Variants in FGF14 observed in about 807,000 individuals in gnomAD.
FGF14 encodes the protein fibroblast growth factor homologous factor 4.
FGF14 carries 5 observed loss-of-function variants against 25.5 expected under a neutral mutation model. That is an observed-to-expected ratio of 0.20 (90% confidence interval 0.10 to 0.41). The LOEUF (loss-of-function observed/expected upper bound fraction) is 0.41. Among genes scored for constraint, FGF14 ranks in the 10% least tolerant of loss-of-function variants. The pLI, the probability that FGF14 is intolerant of heterozygous loss-of-function variation, is 1.00. For missense variants in FGF14, 222 were observed against 320.1 expected (o/e 0.69, Z 2.34); for synonymous variants, 138 against 118.3 (o/e 1.17, Z -1.08).
At chr13:101,899,097 A>T (rs993756565) in intron 1 of FGF14, among the ~76,000 whole-genome samples, 2 of 152,170 alleles carry the variant, frequency 1.3e-5, no homozygotes, top group Non-Finnish European at 2.9e-5. Context: ...GTTAGCCAAA[A>T]ATCAAACTAG....
chr13:101,837,440 T>C (rs2042979941), intron 3 of FGF14, among the ~76,000 whole-genome samples: 1 of 152,094 alleles, frequency 6.6e-6, no homozygotes, highest in African/African-American at 2.4e-5. Context: ...GAGAATAAAA[T>C]GAGAGAATGT....
intron 3 of FGF14, among the ~76,000 whole-genome samples, chr13:101,785,018 A>C (rs1186220433): frequency 6.6e-6 from 1 of 152,176 alleles, no homozygotes; most frequent in Non-Finnish European, 1.5e-5. Flanking sequence ...TGAAGAGGAA[A>C]CAACCAACCC....
At chr13:101,723,629 A>G (rs1398406052) in intron 4 of FGF14, among the ~76,000 whole-genome samples, 1 of 152,108 alleles carries the variant, frequency 6.6e-6, no homozygotes, top group Non-Finnish European at 1.5e-5. Context: ...CTGCTATGTT[A>G]TTAAAAATCT....
chr13:101,772,545 G>A (rs537135093), intron 3 of FGF14, among the ~76,000 whole-genome samples: 1 of 152,042 alleles, frequency 6.6e-6, no homozygotes, highest in African/African-American at 2.4e-5. Flanking sequence ...TTTATCTCTA[G>A]TTAAATGTGG....
intron 3 of FGF14, among the ~76,000 whole-genome samples, chr13:101,769,158 T>G (rs1467876668): frequency 6.6e-6 from 1 of 152,064 alleles, no homozygotes; most frequent in South Asian, 2.1e-4. Flanking sequence ...CCTTAACAGA[T>G]AAGTTGCCAA....
chr13:101,944,132 C>T (rs896245703), intron 1 of FGF14, among the ~76,000 whole-genome samples: 6 of 151,964 alleles, frequency 3.9e-5, no homozygotes, highest in African/African-American at 9.7e-5. Context: ...CAGTGCCATA[C>T]TGCAGAAAGA....
At chr13:102,370,437 TTTTG>T (rs544402485) in intron 1 of FGF14, among the ~76,000 whole-genome samples, 19 of 152,128 alleles carry the variant, frequency 1.2e-4, no homozygotes, top group African/African-American at 4.1e-4. Context: ...ATACAAATAT[TTTTG>T]TTTGTTTGTT....
chr13:102,366,998 C>G (rs1359150049), intron 1 of FGF14, among the ~76,000 whole-genome samples: 1 of 152,114 alleles, frequency 6.6e-6, no homozygotes, highest in East Asian at 1.9e-4. Flanking sequence ...GGAATTGTCC[C>G]AGAGTTGAGG....
chr13:102,366,298 A>G lies in FGF14; in HGVS notation c.208+35173T>C, dbSNP rs1187291238. 4 of 152,310 alleles carry G rather than the reference A, an allele frequency of 2.6e-5. No individual in the cohort carries two copies. The East Asian group carries it at 7.7e-4, about 29-fold the overall frequency. The allele number at this position is 152,310 out of a possible 1,614,324, so 9.4% of individuals were successfully genotyped here. On this transcript the variant is annotated intron_variant, in intron 1 of 4. Transcript: ENST00000376131. Reference sequence around the variant, plus strand: ...ATTGTACAACATTAAAGAGTAAATCATGAGTGACTGAAATACTTAAAAGCA... The same window carrying G: ...ATTGTACAACATTAAAGAGTAAATCGTGAGTGACTGAAATACTTAAAAGCA...
intron 1 of FGF14, among the ~76,000 whole-genome samples, chr13:101,984,627 G>GT (rs1290102043): frequency 6.6e-6 from 1 of 152,004 alleles, no homozygotes; most frequent in Non-Finnish European, 1.5e-5. Context: ...GCATTATTTT[G>GT]TAAGTCCATC....
chr13:102,397,151 G>A (rs1281065879), intron 1 of FGF14, among the ~76,000 whole-genome samples: 2 of 152,164 alleles, frequency 1.3e-5, no homozygotes, highest in African/African-American at 4.8e-5. Context: ...AGTAAAAAGT[G>A]CTCACTCTTC....
chr13:102,188,903 T>C (rs1407262098), intron 1 of FGF14, among the ~76,000 whole-genome samples: 1 of 142,206 alleles, frequency 7.0e-6, no homozygotes, highest in African/African-American at 2.7e-5. Flanking sequence ...ACTGCACCAC[T>C]GCACTCCAGC....
In FGF14 at chr13:102,353,935, C is replaced by G. The variant is rs1370725758; in HGVS notation, c.208+47536G>C. The stretch of plus-strand genomic sequence containing the variant: ...AGGTTCCCTTCTGGTAGCTTCCCAC[C>G]CTGAGCCTACATTCACCATGTCTGT... On this transcript the variant is annotated intron_variant, in intron 1 of 4. Transcript: ENST00000376131. 3.9e-5 allele frequency among the ~76,000 whole-genome samples: 6 copies of G among 152,224 alleles called. No homozygotes were observed. The East Asian group carries it at 9.7e-4, about 25-fold the overall frequency.
chr13:102,011,627 A>G (rs1359476177), intron 1 of FGF14, among the ~76,000 whole-genome samples: 1 of 152,222 alleles, frequency 6.6e-6, no homozygotes, highest in Non-Finnish European at 1.5e-5. Context: ...AGAGCAGCTC[A>G]GACAAACCCA....
intron 3 of FGF14, among the ~76,000 whole-genome samples, chr13:101,835,239 G>C (rs2042866909): frequency 6.6e-6 from 1 of 151,936 alleles, no homozygotes; most frequent in Non-Finnish European, 1.5e-5. Flanking sequence ...GTGTGTGTGT[G>C]AGAGAGAGAC....
intron 1 of FGF14, among the ~76,000 whole-genome samples, chr13:102,275,707 T>A (rs1027897860): frequency 6.6e-6 from 1 of 152,150 alleles, no homozygotes; most frequent in East Asian, 1.9e-4. Context: ...CTGTGAGTAG[T>A]GTGAGTCCAA....
chr13:102,181,911 G>T (rs1247038006), intron 1 of FGF14, among the ~76,000 whole-genome samples: 6 of 152,130 alleles, frequency 3.9e-5, no homozygotes, highest in Admixed American at 3.9e-4. Context: ...AGAAAAGGAA[G>T]GATCCTACTC....
At chr13:101,830,229 G>GTCATCATCA (rs2042601920) in intron 3 of FGF14, among the ~76,000 whole-genome samples, 1 of 152,082 alleles carries the variant, frequency 6.6e-6, no homozygotes, top group African/African-American at 2.4e-5. Context: ...TTTTCTCCAC[G>GTCATCATCA]TCATCATCAT....
At chr13:101,921,357 C>G (rs1459611083), upstream of FGF14, among the ~76,000 whole-genome samples, 1 of 152,174 alleles carries the variant, frequency 6.6e-6, no homozygotes, top group Admixed American at 6.6e-5. Context: ...AGGTAAGTGT[C>G]TCATGCTTAA....
Sources: gnomAD v4.1 joint callset for allele counts (sites outside exome capture counted in the v4.1 genomes callset) on GRCh38, gnomAD v4.1.1 for gene constraint, MANE v1.5 for transcripts, NCBI Gene and HGNC (gene_info 2026-07-23, HGNC 2026-07-21) for gene names.